The following ITPRID1 variants were observed in gnomAD, a reference collection of about 807,000 sequenced individuals.
ITPRID1 encodes the protein ITPR interacting domain containing 1, also known as protein ITPRID1.
Under a neutral mutation model 95.4 loss-of-function variants are expected in ITPRID1, and 96 were observed. The observed-to-expected ratio is 1.01, with a 90% CI of 0.85 to 1.19. ITPRID1 has a LOEUF of 1.19. Ranked by LOEUF, ITPRID1 falls within the 50% of genes most tolerant of loss-of-function variation. The pLI is 0.00. For missense variants in ITPRID1, 1,339 were observed against 1,252.9 expected (o/e 1.07, Z -1.04); for synonymous variants, 510 against 453.6 (o/e 1.12, Z -1.58).
intron 10 of ITPRID1, among the ~76,000 whole-genome samples, chr7:31,602,693 G>A (rs1032555381): frequency 1.7e-4 from 26 of 152,144 alleles, no homozygotes; most frequent in African/African-American, 6.3e-4. Flanking sequence ...CAGGAGAGTC[G>A]TCTTGCTGTC....
chr7:31,576,781 T>C (rs1583520999), intron 8 of ITPRID1, among the ~76,000 whole-genome samples: 1 of 152,206 alleles, frequency 6.6e-6, no homozygotes, highest in South Asian at 2.1e-4. Flanking sequence ...CTTGCCCACT[T>C]ATGTGGTCCT....
rs1239834804 is a variant in ITPRID1 at position 31,587,571 on chromosome 7, A to T, written c.1228+4380A>T. ...TGAAAATGGCCATACTGCCCAAGGT[A>T]ATTTACAGATTCAATGCCATCCCCA... On this transcript the variant is annotated intron_variant, in intron 10 of 14. Coordinates refer to ENST00000615280, the MANE Select transcript of ITPRID1 (RefSeq NM_001257967.3). Among the ~76,000 whole-genome samples, 849 of 148,570 alleles carry T rather than the reference A, an allele frequency of 5.7e-3. 9 individuals are homozygous for T. Among genetic ancestry groups the T allele is most frequent in the African/African-American group, 0.02 (799 of 40,186 alleles).
intron 10 of ITPRID1, among the ~76,000 whole-genome samples, chr7:31,617,571 CCTGATTAGTCT>C (rs1197232671): frequency 6.6e-6 from 1 of 151,994 alleles, no homozygotes; most frequent in Non-Finnish European, 1.5e-5. Context: ...GAAAATACAT[CCTGATTAGTCT>C]CTTCCATTAA....
rs748758260 is a variant in ITPRID1, at chr7:31,577,915, T to G, written c.651T>G (p.Ser217=). 1 of 1,613,396 alleles carries G rather than the reference T, an allele frequency of 6.2e-7. No homozygotes were observed. The highest frequency in any genetic ancestry group is 8.5e-7 in the Non-Finnish European group (1 of 1,179,616). Residue 217 remains serine, a synonymous_variant, in exon 9 of 15, where the codon TCT becomes TCG. Coordinates refer to ENST00000615280, the MANE Select transcript of ITPRID1 (RefSeq NM_001257967.3). The part of the protein sequence containing the change: ...ILDHVTNAFS[S]LLSDVSILPN... Reference sequence around the variant, plus strand: ...ACCATGTGACCAATGCCTTCTCATCTCTGCTGAGTGATGTCAGCATCCTGC... The same window carrying G: ...ACCATGTGACCAATGCCTTCTCATCGCTGCTGAGTGATGTCAGCATCCTGC...
intron 5 of ITPRID1, 106 bp from the exon 6 acceptor site, chr7:31,569,652 C>A: frequency 1.1e-6 from 1 of 923,710 alleles, no homozygotes; most frequent in Non-Finnish European, 1.7e-6. Flanking sequence ...CCTATATAAC[C>A]TTGGATATGG....
At position 31,619,270 on chromosome 7, in the gene ITPRID1, ACT is replaced by A. The variant is rs537491721; in HGVS notation, c.1229-22902_1229-22901del. On this transcript the variant is annotated intron_variant, in intron 10 of 14. Coordinates refer to ENST00000615280, the MANE Select transcript of ITPRID1 (RefSeq NM_001257967.3). ...GCATAATGACTAGATTTCTGGGTAAACTCTCATAATTTACATATGAGAAAAGA... is the reference window on the plus strand; with the variant it reads ...GCATAATGACTAGATTTCTGGGTAAACTCATAATTTACATATGAGAAAAGA... Among the ~76,000 whole-genome samples the A allele has an allele frequency of 5.5e-3, 832 of 152,140 alleles. 9 individuals are homozygous for A. Among genetic ancestry groups the A allele is most frequent in the African/African-American group, 0.019 (797 of 41,488 alleles).
chr7:31,596,081 TTG>T (rs1291616622), intron 10 of ITPRID1, among the ~76,000 whole-genome samples: 1 of 151,478 alleles, frequency 6.6e-6, no homozygotes, highest in African/African-American at 2.4e-5. Context: ...TATCTAAAAT[TTG>T]TGTTATCAAA....
chr7:31,620,474 A>G (rs1252838209), intron 10 of ITPRID1, among the ~76,000 whole-genome samples: 1 of 151,404 alleles, frequency 6.6e-6, no homozygotes, highest in African/African-American at 2.4e-5. Flanking sequence ...TTCTGCAGAC[A>G]CCACTGCTGA....
At chr7:31,569,920 C>T (rs772439559) in intron 6 of ITPRID1, 111 bp downstream of exon 6, 73 of 807,296 alleles carry the variant, frequency 9.0e-5, no homozygotes, top group Non-Finnish European at 1.3e-4. Context: ...CTTGGGATCT[C>T]GTGAAAGGTA....
intron 10 of ITPRID1, among the ~76,000 whole-genome samples, chr7:31,614,955 G>GTGTT (rs1485152788): frequency 2.6e-5 from 4 of 152,206 alleles, no homozygotes; most frequent in African/African-American, 7.2e-5. Context: ...TCCATTGCTA[G>GTGTT]TGTTTTCCAT....
chr7:31,514,371 G>T (rs186760937), intron 1 of ITPRID1, among the ~76,000 whole-genome samples: 8 of 152,310 alleles, frequency 5.3e-5, no homozygotes, highest in Admixed American at 2.0e-4. Context: ...TGATCAGACT[G>T]AAGTTGTTAG....
chr7:31,521,291 A>C (rs1031999043), intron 1 of ITPRID1, among the ~76,000 whole-genome samples: 1 of 152,124 alleles, frequency 6.6e-6, no homozygotes, highest in East Asian at 1.9e-4. Flanking sequence ...TAAGTTCAAA[A>C]TATTTTTCTA....
intron 5 of ITPRID1, among the ~76,000 whole-genome samples, chr7:31,566,513 A>G (rs1487929231): frequency 1.3e-5 from 2 of 152,210 alleles, no homozygotes; most frequent in East Asian, 3.9e-4. Context: ...GAAGAGCTAA[A>G]CCAGGCACAA....
chr7:31,627,309 G>T (rs38367), intron 10 of ITPRID1, among the ~76,000 whole-genome samples: 148,683 of 152,284 alleles, frequency 0.98, 72,599 homozygotes, highest in East Asian at 0.99. Flanking sequence ...GTAATATTGG[G>T]GATGCAAACA....
chr7:31,575,769 A>G (rs747012967), intron 8 of ITPRID1, among the ~76,000 whole-genome samples: 29 of 152,218 alleles, frequency 1.9e-4, no homozygotes, highest in Non-Finnish European at 4.0e-4. Flanking sequence ...CATGTGAGAC[A>G]AAGTGTTTTT....
chr7:31,628,942 A>T (rs1211813924), intron 10 of ITPRID1, among the ~76,000 whole-genome samples: 1 of 152,176 alleles, frequency 6.6e-6, no homozygotes, highest in African/African-American at 2.4e-5. Flanking sequence ...AGAGGAAAAA[A>T]CAAAAACAAA....
rs192893085 is a variant in ITPRID1 at position 31,632,564 on chromosome 7, A to G, written c.1229-9612A>G. Reference sequence around the variant, plus strand: ...AAACCATTCACTTAGGTTTCTAAACATTTATTTATTGATTTCAAAATAGAG... The same window carrying G: ...AAACCATTCACTTAGGTTTCTAAACGTTTATTTATTGATTTCAAAATAGAG... On this transcript the variant is annotated intron_variant, in intron 10 of 14. Coordinates refer to ENST00000615280, the MANE Select transcript of ITPRID1 (RefSeq NM_001257967.3). 3.8e-4 allele frequency among the ~76,000 whole-genome samples: 58 copies of G among 152,340 alleles called. 1 individual carries two copies. The highest frequency in any genetic ancestry group is 1.3e-3 in the African/African-American group (54 of 41,580).
At chr7:31,521,840 C>T (rs1353256098) in intron 1 of ITPRID1, among the ~76,000 whole-genome samples, 6 of 151,810 alleles carry the variant, frequency 4.0e-5, no homozygotes, top group South Asian at 2.1e-4. Context: ...CCTCCCATCT[C>T]AGCCCCCACC....
chr7:31,596,758 T>G (rs558592071), intron 10 of ITPRID1, among the ~76,000 whole-genome samples: 7 of 151,626 alleles, frequency 4.6e-5, no homozygotes, highest in African/African-American at 1.7e-4. Context: ...TAAGTGTAGA[T>G]GAATATTTAT....
Sources: gnomAD v4.1 joint callset for allele counts (sites outside exome capture counted in the v4.1 genomes callset) on GRCh38, gnomAD v4.1.1 for gene constraint, MANE v1.5 for transcripts, NCBI Gene and HGNC (gene_info 2026-07-23, HGNC 2026-07-21) for gene names.